WIF1: variants seen among roughly 807,000 people sequenced by gnomAD.
WIF1 encodes Wnt inhibitory factor 1.
WIF1 carries 35 observed loss-of-function variants against 53.5 expected under a neutral mutation model. That is an observed-to-expected ratio of 0.65 (90% CI 0.50 to 0.87). The LOEUF is 0.87. WIF1 is among the 40% of genes least tolerant of loss of function. WIF1 has a pLI of 0.00. For missense variants in WIF1, 467 were observed against 476.8 expected, an observed-to-expected ratio of 0.98 and a Z score of 0.19; for synonymous variants, 171 against 170.4, an observed-to-expected ratio of 1.00 and a Z score of -0.03.
intron 2 of WIF1, among the ~76,000 whole-genome samples, chr12:65,111,695 C>T (rs962562090): frequency 1.3e-5 from 2 of 152,146 alleles, no homozygotes; most frequent in Non-Finnish European, 2.9e-5. Context: ...GCTGTCTCTC[C>T]AGTTAGCTTC....
At chr12:65,068,678 TGTGTGTGTATAG>T in intron 4 of WIF1, 74 bp downstream of exon 4, 1 of 1,348,924 alleles carries the variant, frequency 7.4e-7, no homozygotes, top group Non-Finnish European at 1.0e-6. Flanking sequence ...TGTGTGTGTG[TGTGTGTGTATAG>T]ATATAAATAT....
chr12:65,100,928 G>A (rs1883273314), intron 2 of WIF1, among the ~76,000 whole-genome samples: 1 of 152,030 alleles, frequency 6.6e-6, no homozygotes. Context: ...TACCGAGTAT[G>A]TGATAACATG....
chr12:65,101,363 G>A (rs1013613133), intron 2 of WIF1, among the ~76,000 whole-genome samples: 3 of 152,150 alleles, frequency 2.0e-5, no homozygotes, highest in African/African-American at 7.2e-5. Flanking sequence ...GCTACCATTT[G>A]AGGAGGTCTT....
At chr12:65,063,717 GT>G (rs1882647774) in intron 6 of WIF1, among the ~76,000 whole-genome samples, 4 of 114,382 alleles carry the variant, frequency 3.5e-5, no homozygotes, top group Non-Finnish European at 7.6e-5. Flanking sequence ...TTTTTTTTTG[GT>G]TTGTTTTTTA....
At chr12:65,059,433 T>A (rs912351478) in intron 7 of WIF1, among the ~76,000 whole-genome samples, 5 of 152,330 alleles carry the variant, frequency 3.3e-5, no homozygotes, top group South Asian at 4.1e-4. Context: ...ATTTTTAAAA[T>A]CCTTTTCTAA....
At chr12:65,067,511 C>T (rs1055985282) in intron 5 of WIF1, among the ~76,000 whole-genome samples, 184 bp downstream of exon 5, 13 of 152,146 alleles carry the variant, frequency 8.5e-5, no homozygotes, top group African/African-American at 2.2e-4. Context: ...ATTTCTGAAG[C>T]GGGATGAGTT....
At chr12:65,058,936 C>T (rs1456403761) in intron 7 of WIF1, among the ~76,000 whole-genome samples, 2 of 152,110 alleles carry the variant, frequency 1.3e-5, no homozygotes, top group East Asian at 3.9e-4. Context: ...CCTGTAATCT[C>T]AGCTACTTGG....
chr12:65,100,262 C>A (rs1843003146), intron 2 of WIF1, among the ~76,000 whole-genome samples: 1 of 152,020 alleles, frequency 6.6e-6, no homozygotes, highest in African/African-American at 2.4e-5. Flanking sequence ...TAGTCATGCC[C>A]ATGCAAAGCC....
At chr12:65,066,765 G>A in intron 5 of WIF1, 29 bp from the exon 6 acceptor site, 2 of 1,533,388 alleles carry the variant, frequency 1.3e-6, no homozygotes, top group Non-Finnish European at 1.8e-6. Flanking sequence ...CCTGATTAAG[G>A]CCAAATGGTA....
chr12:65,093,102 T>G (rs1266035633), intron 2 of WIF1, among the ~76,000 whole-genome samples: 1 of 152,156 alleles, frequency 6.6e-6, no homozygotes, highest in Non-Finnish European at 1.5e-5. Context: ...GAGAATAATC[T>G]TAGCACTAAA....
chr12:65,114,175 T>A (rs28688970), intron 2 of WIF1, among the ~76,000 whole-genome samples: 24,483 of 101,044 alleles, frequency 0.24, 2,692 homozygotes, highest in East Asian at 0.53. Context: ...CTATTTTTTT[T>A]ATTTTTTTTT....
At chr12:65,119,511 A>G (rs1471229293) in intron 2 of WIF1, among the ~76,000 whole-genome samples, 1 of 152,232 alleles carries the variant, frequency 6.6e-6, no homozygotes, top group Non-Finnish European at 1.5e-5. Flanking sequence ...TATTTTTTAT[A>G]AAGTGTTTTC....
intron 2 of WIF1, among the ~76,000 whole-genome samples, chr12:65,100,248 A>G (rs1021369891): frequency 6.6e-6 from 1 of 152,314 alleles, no homozygotes; most frequent in African/African-American, 2.4e-5. Flanking sequence ...CGTGTTCACA[A>G]TTATAGTCAT....
At chr12:65,061,953 T>A (rs1882618495) in intron 7 of WIF1, among the ~76,000 whole-genome samples, 1 of 152,228 alleles carries the variant, frequency 6.6e-6, no homozygotes, top group Admixed American at 6.5e-5. Flanking sequence ...TCTGTGTGGT[T>A]CATTCATGTT....
chr12:65,089,594 C>G (rs1210573892), intron 2 of WIF1, among the ~76,000 whole-genome samples: 1 of 152,162 alleles, frequency 6.6e-6, no homozygotes, highest in African/African-American at 2.4e-5. Context: ...CTCCCACATC[C>G]TGCCTCACAG....
chr12:65,086,435 G>A (rs1018081904), intron 2 of WIF1, among the ~76,000 whole-genome samples: 2 of 152,136 alleles, frequency 1.3e-5, no homozygotes, highest in African/African-American at 2.4e-5. Flanking sequence ...GTAAGATAAG[G>A]GACTGAGGAA....
intron 7 of WIF1, among the ~76,000 whole-genome samples, chr12:65,057,193 C>T (rs1882541808): frequency 6.6e-6 from 1 of 152,114 alleles, no homozygotes. Context: ...GGTGCAGTGG[C>T]AATGGCTGGT....
At chr12:65,084,359 T>A (rs955244705) in intron 2 of WIF1, among the ~76,000 whole-genome samples, 2 of 152,208 alleles carry the variant, frequency 1.3e-5, no homozygotes, top group Admixed American at 6.5e-5. Context: ...CTTCGGCCTG[T>A]TAGGTGTCTC....
intron 9 of WIF1, among the ~76,000 whole-genome samples, chr12:65,053,928 T>C (rs1882482176): frequency 6.6e-6 from 1 of 151,860 alleles, no homozygotes; most frequent in Admixed American, 6.6e-5. Context: ...CAGTGGATAA[T>C]TTCCACACTC....
Sources: allele counts gnomAD v4.1 joint callset (sites outside exome capture counted in the v4.1 genomes callset), GRCh38; gene constraint gnomAD v4.1.1; transcripts MANE v1.5; gene names NCBI Gene and HGNC (gene_info 2026-07-23, HGNC 2026-07-21).